ERG: variants seen among roughly 807,000 people sequenced by gnomAD.
The protein encoded by ERG is transcriptional regulator ERG.
A neutral mutation model predicts 55.3 loss-of-function variants in ERG; 9 were observed. The observed-to-expected ratio is 0.16, with a 90% CI of 0.10 to 0.28. The LOEUF is 0.28. ERG is among the 10% of genes least tolerant of loss of function. The pLI is 1.00. For synonymous variants in ERG, 223 were observed against 237.3 expected (o/e 0.94, Z 0.55); for missense variants, 434 against 631.6 (o/e 0.69, Z 3.35).
the ERG span, among the ~76,000 whole-genome samples, chr21:38,373,391 G>A: frequency 7.2e-5 from 11 of 152,318 alleles, no homozygotes; most frequent in East Asian, 1.5e-3. Context: ...TGAGGGTGGA[G>A]GAATGAGATG....
chr21:38,548,222 T>C (rs1246028272), intron 2 of ERG, among the ~76,000 whole-genome samples: 3 of 152,062 alleles, frequency 2.0e-5, no homozygotes. Context: ...CTGTGATCAC[T>C]TGAGGGTGAG....
At chr21:38,658,576 A>G (rs1027062549) in intron 1 of ERG, among the ~76,000 whole-genome samples, 4 of 152,192 alleles carry the variant, frequency 2.6e-5, no homozygotes, top group African/African-American at 9.7e-5. Flanking sequence ...ATAAAAACTA[A>G]TATTACTTTT....
chr21:38,433,401 C>T (rs1462011568), intron 2 of ERG, among the ~76,000 whole-genome samples: 1 of 152,030 alleles, frequency 6.6e-6, no homozygotes, highest in Non-Finnish European at 1.5e-5. Context: ...CTTGAGCTGT[C>T]GTCCATACAT....
intron 1 of ERG, chr21:38,660,588 C>A (rs889061577): frequency 1.3e-5 from 2 of 151,772 alleles, no homozygotes; most frequent in African/African-American, 4.8e-5. Context: ...GTGTCCGCGC[C>A]CGCGTGTGCC....
In ERG at chr21:38,380,435, G is replaced by A; in HGVS notation, c.*2968C>T. ...AAAAACACAGTCTTGACTGTGATTT[G>A]GTGATTTTACCACATACAAGGCCCG... On this transcript the variant is annotated 3_prime_UTR_variant, in exon 10 of 10. Coordinates refer to ENST00000288319, the MANE Select transcript of ERG (RefSeq NM_182918.4). 3 of 1,063,872 alleles carry A rather than the reference G, an allele frequency of 2.8e-6. No individual in the cohort carries two copies. Among genetic ancestry groups the A allele is most frequent in the South Asian group, 9.1e-5 (2 of 21,970 alleles). 65.9% of individuals were successfully genotyped at this position (1,063,872 alleles called of 1,614,324 possible).
At chr21:38,596,480 C>G (rs543193900) in intron 1 of ERG, among the ~76,000 whole-genome samples, 1 of 152,314 alleles carries the variant, frequency 6.6e-6, no homozygotes, top group South Asian at 2.1e-4. Context: ...ACAGGGCCCT[C>G]TCTTTTGTGA....
intron 1 of ERG, chr21:38,451,261 T>C (rs1262031490): frequency 2.0e-6 from 1 of 491,466 alleles, no homozygotes; most frequent in Non-Finnish European, 4.1e-6. Flanking sequence ...AGGACTTCTC[T>C]AGGTATACCA....
At chr21:38,480,554 T>C in intron 1 of ERG, among the ~76,000 whole-genome samples, 1 of 136,316 alleles carries the variant, frequency 7.3e-6, no homozygotes, top group African/African-American at 2.6e-5. Flanking sequence ...GATGCTGTTT[T>C]TAACAAAAAT....
chr21:38,393,822 G>C (rs1988084867), intron 6 of ERG, among the ~76,000 whole-genome samples: 2 of 152,170 alleles, frequency 1.3e-5, no homozygotes, highest in Non-Finnish European at 2.9e-5. Context: ...CAGAGCTTTG[G>C]AGAATTAGAT....
At chr21:38,642,400 G>A (rs1273387810) in intron 1 of ERG, among the ~76,000 whole-genome samples, 1 of 152,096 alleles carries the variant, frequency 6.6e-6, no homozygotes, top group Non-Finnish European at 1.5e-5. Flanking sequence ...CAAAAATGCT[G>A]TTATATATCA....
At chr21:38,424,193 T>G (rs911473451) in intron 2 of ERG, among the ~76,000 whole-genome samples, 3 of 138,706 alleles carry the variant, frequency 2.2e-5, no homozygotes, top group African/African-American at 5.5e-5. Context: ...TCGAGCTCTC[T>G]CTCTCTCTCT....
At chr21:38,565,271 C>G (rs1052686684) in intron 2 of ERG, among the ~76,000 whole-genome samples, 1 of 152,156 alleles carries the variant, frequency 6.6e-6, no homozygotes, top group Admixed American at 6.5e-5. Context: ...CTCTTGGTCC[C>G]CCTCTAGACT....
upstream of ERG, among the ~76,000 whole-genome samples, chr21:38,499,554 G>A (rs2059405566): frequency 1.3e-5 from 2 of 152,082 alleles, no homozygotes; most frequent in South Asian, 4.1e-4. Flanking sequence ...TGAGTCATCT[G>A]ACAATTCCTG....
rs1555903684 is a variant in ERG at position 38,466,300 on chromosome 21, G to GGTGTGTGGGTGT, written c.19-20680_19-20679insACACCCACACAC. On this transcript the variant is annotated intron_variant, in intron 1 of 9. Transcript: ENST00000288319. The stretch of plus-strand genomic sequence containing the variant: ...CAGTTTAGGCTGTCTGATGGTCTGG[G>GGTGTGTGGGTGT]GTGTGTGTGTGTGTGTGTGTGTGTG... Among the ~76,000 whole-genome samples the GGTGTGTGGGTGT allele has an allele frequency of 5.7e-3, 795 of 140,674 alleles. 8 individuals are homozygous for GGTGTGTGGGTGT. The highest frequency in any genetic ancestry group is 0.048 in the East Asian group (231 of 4,842). The allele number at this position is 140,674 out of a possible 152,430, so 92.3% of individuals were successfully genotyped here. A position where few individuals can be genotyped will look rare whatever the true frequency, so the allele number is the denominator to read the frequency against.
intron 1 of ERG, among the ~76,000 whole-genome samples, chr21:38,600,682 C>T (rs975104285): frequency 1.6e-4 from 24 of 152,136 alleles, no homozygotes; most frequent in African/African-American, 4.8e-4. Flanking sequence ...AGTAAGAAAT[C>T]GTAATAAGCA....
chr21:38,392,389 C>T lies in ERG; in HGVS notation c.801G>A (p.Thr267=), dbSNP rs779857828. Residue 267 remains threonine, a synonymous_variant, in exon 7 of 10, where the codon ACG becomes ACA. Transcript: ENST00000288319. Reference sequence around the variant, plus strand: ...CCAACACTGTACCTTTCGACTGGGGCGTGGGGTGGCCGTGACCGGTCCAGG... The same window carrying T: ...CCAACACTGTACCTTTCGACTGGGGTGTGGGGTGGCCGTGACCGGTCCAGG... ...RSAWTGHGHP[T]PQSKAAQPSP... is the part of the protein sequence containing the mutation. The T allele has an allele frequency of 1.1e-5, 18 of 1,566,516 alleles. No homozygotes were observed. The highest frequency in any genetic ancestry group is 3.7e-5 in the Admixed American group (2 of 53,822).
At position 38,403,727 on chromosome 21, in the gene ERG, A is replaced by C; in HGVS notation, c.389-18T>G. The C allele has an allele frequency of 6.2e-7, 1 of 1,611,068 alleles. No individual in the cohort carries two copies. Among genetic ancestry groups the C allele is most frequent in the Non-Finnish European group, 8.5e-7 (1 of 1,177,330 alleles). Reference sequence around the variant, plus strand: ...CGTAGGATCTGAAAGGGGTGGGAACACATTCAGTCAATTCCTGAAGCCAGG... The same window carrying C: ...CGTAGGATCTGAAAGGGGTGGGAACCCATTCAGTCAATTCCTGAAGCCAGG... On this transcript the variant is annotated intron_variant, in intron 3 of 9. Coordinates refer to ENST00000288319, the MANE Select transcript of ERG (RefSeq NM_182918.4).
At chr21:38,493,188 T>C (rs1469408295) in intron 1 of ERG, among the ~76,000 whole-genome samples, 1 of 152,176 alleles carries the variant, frequency 6.6e-6, no homozygotes, top group African/African-American at 2.4e-5. Flanking sequence ...TTCAAAAAAT[T>C]AAATAGATGG....
chr21:38,586,140 T>C (rs1024527427), upstream of ERG, among the ~76,000 whole-genome samples: 1 of 132,280 alleles, frequency 7.6e-6, no homozygotes, highest in Non-Finnish European at 1.6e-5. Context: ...CTAATAAAAG[T>C]AATATATATT....
Sources: gnomAD v4.1 joint callset for allele counts (sites outside exome capture counted in the v4.1 genomes callset) on GRCh38, gnomAD v4.1.1 for gene constraint, MANE v1.5 for transcripts, NCBI Gene and HGNC (gene_info 2026-07-23, HGNC 2026-07-21) for gene names.